FREM1: variants seen among roughly 807,000 people sequenced by gnomAD.
The protein encoded by FREM1 is FRAS1-related extracellular matrix protein 1.
FREM1 carries 220 observed loss-of-function variants against 210.1 expected under a neutral mutation model. That is an observed-to-expected ratio of 1.05 (90% CI 0.94 to 1.17). FREM1 has a LOEUF of 1.17. Ranked by LOEUF, FREM1 falls within the 50% of genes most tolerant of loss-of-function variation. The pLI is 0.00. For synonymous variants in FREM1, 1,189 were observed against 980.2 expected, an observed-to-expected ratio of 1.21 and a Z score of -3.98; for missense variants, 3,454 against 2,675.5, an observed-to-expected ratio of 1.29 and a Z score of -6.42.
At chr9:14,819,159 C>G in intron 14 of FREM1, 75 bp downstream of exon 14, 2 of 1,059,678 alleles carry the variant, frequency 1.9e-6, no homozygotes, top group Non-Finnish European at 2.7e-6. Flanking sequence ...AAACTTCTTT[C>G]TCTTACTCTG....
chr9:14,824,196 A>C (rs982590780), intron 11 of FREM1, 81 bp from the exon 12 acceptor site: 2 of 828,642 alleles, frequency 2.4e-6, no homozygotes, highest in Non-Finnish European at 2.0e-6. Flanking sequence ...TCAAAAACTG[A>C]AAGACTTCAT....
intron 15 of FREM1, among the ~76,000 whole-genome samples, chr9:14,814,703 T>G (rs1467001597): frequency 6.6e-6 from 1 of 152,176 alleles, no homozygotes; most frequent in Non-Finnish European, 1.5e-5. Flanking sequence ...GTGATGACCA[T>G]CTTGCAGCCG....
chr9:14,785,485 A>G (rs1215191101), intron 23 of FREM1, among the ~76,000 whole-genome samples: 2 of 152,224 alleles, frequency 1.3e-5, no homozygotes, highest in Non-Finnish European at 2.9e-5. Flanking sequence ...TATTTATACA[A>G]CCATATTCAT....
intron 4 of FREM1, among the ~76,000 whole-genome samples, chr9:14,858,830 C>T (rs559252394): frequency 1.2e-4 from 19 of 152,264 alleles, no homozygotes; most frequent in African/African-American, 4.3e-4. Flanking sequence ...CTAATAACAG[C>T]TGACAATGAG....
At position 14,869,073 on chromosome 9, in the gene FREM1, A is replaced by G. The variant is rs1832100166; in HGVS notation, c.-96T>C. ...TCCTGGAGGGTCAGCTCATAGTCCA[A>G]GGGGCAGGGTGAGGGGTCCTGACAA... On this transcript the variant is annotated 5_prime_UTR_variant, in exon 2 of 37. Transcript: ENST00000380880. 1 of 790,098 alleles carries G rather than the reference A, an allele frequency of 1.3e-6. No homozygotes were observed. The highest frequency in any genetic ancestry group is 1.9e-5 in the South Asian group (1 of 52,858). The allele number at this position is 790,098 out of a possible 1,614,324, so 48.9% of individuals were successfully genotyped here.
Position 14,836,237 on chromosome 9 carries a change from A to G in FREM1, c.1881+5210T>C, listed in dbSNP as rs1451529502. ...TCACTCTACTATTTGCAATAGGGTTATACACGGTAGCACCTTCAAACTAAA... is the reference window on the plus strand; with the variant it reads ...TCACTCTACTATTTGCAATAGGGTTGTACACGGTAGCACCTTCAAACTAAA... On this transcript the variant is annotated intron_variant, in intron 10 of 36. Coordinates refer to ENST00000380880, the MANE Select transcript of FREM1 (RefSeq NM_001379081.2). This position sits in a 1 kb window ranked among gnomAD's most constrained non-coding sequence, Gnocchi z 4.9. 1.3e-5 allele frequency among the ~76,000 whole-genome samples: 2 copies of G among 152,246 alleles called. No homozygotes were observed. The highest frequency in any genetic ancestry group is 2.9e-5 in the Non-Finnish European group (2 of 68,046).
chr9:14,797,222 T>C (rs1009338401), intron 21 of FREM1, among the ~76,000 whole-genome samples: 1 of 152,258 alleles, frequency 6.6e-6, no homozygotes, highest in Non-Finnish European at 1.5e-5. Flanking sequence ...TAGTAGATTG[T>C]TCATTCCATA....
intron 27 of FREM1, among the ~76,000 whole-genome samples, chr9:14,761,508 C>T (rs1366099832): frequency 1.3e-5 from 2 of 152,138 alleles, no homozygotes; most frequent in Non-Finnish European, 1.5e-5. Flanking sequence ...ATTTAAATCT[C>T]GCATGAAACA....
intron 1 of FREM1, among the ~76,000 whole-genome samples, chr9:14,899,550 G>C (rs922135700): frequency 4.6e-5 from 7 of 152,194 alleles, no homozygotes; most frequent in Admixed American, 6.5e-5. Context: ...ATATGTGCAG[G>C]AGGATACAGC....
At position 14,784,574 on chromosome 9, in the gene FREM1, G is replaced by C. The variant is rs200573582; in HGVS notation, c.4238C>G (p.Thr1413Arg). ...VVSKGDRGFL[T>R]TTTLLAVDGT... ...GTCCACAGCCAGGAGCGTGGTGGTT[G>C]TTAAGAAACCTCTATCACCTTTAGA... The change falls in exon 24 of 37, where the codon ACA becomes AGA. Residue 1413 changes from threonine (T) to arginine (R), a missense_variant. Transcript: ENST00000380880. 1.1e-4 allele frequency: 173 copies of C among 1,611,258 alleles called. No homozygotes were observed. Among genetic ancestry groups the C allele is most frequent in the Non-Finnish European group, 1.4e-4 (165 of 1,178,704 alleles).
At position 14,824,005 on chromosome 9, in the gene FREM1, AT is replaced by A; in HGVS notation, c.2169+19del. On this transcript the variant is annotated intron_variant, in intron 12 of 36. Coordinates refer to ENST00000380880, the MANE Select transcript of FREM1 (RefSeq NM_001379081.2). ...GCACACTTGCATCATGTTTGTCAGC[AT>A]TTTAGCATATCCTCATACCTGAGTG... The A allele has an allele frequency of 6.7e-7, 1 of 1,499,172 alleles. No individual in the cohort carries two copies. The highest frequency in any genetic ancestry group is 9.2e-7 in the Non-Finnish European group (1 of 1,092,592). 92.9% of individuals were successfully genotyped at this position (1,499,172 alleles called of 1,614,324 possible). A position where few individuals can be genotyped will look rare whatever the true frequency, so the allele number is the denominator to read the frequency against.
At chr9:14,900,628 A>C (rs1838620679) in intron 1 of FREM1, among the ~76,000 whole-genome samples, 1 of 152,172 alleles carries the variant, frequency 6.6e-6, no homozygotes, top group South Asian at 2.1e-4. Context: ...CTAGATAGAC[A>C]GAGTCTGACA....
intron 14 of FREM1, 107 bp downstream of exon 14, chr9:14,819,127 G>T (rs1820820307): frequency 4.3e-6 from 3 of 692,028 alleles, no homozygotes; most frequent in Non-Finnish European, 7.0e-6. Flanking sequence ...GTGGCATGTT[G>T]GTATCCTTTA....
chr9:14,747,033 G>A lies in FREM1; in HGVS notation c.6028C>T (p.Pro2010Ser), dbSNP rs934520223. The A allele has an allele frequency of 7.4e-6, 12 of 1,613,220 alleles. No individual in the cohort carries two copies. The highest frequency in any genetic ancestry group is 1.3e-5 in the African/African-American group (1 of 75,054). The change falls in exon 34 of 37, where the codon CCA (proline) becomes TCA (serine). Residue 2010 changes from proline (P) to serine (S), a missense_variant. Pro to Ser is a moderately conservative substitution (Grantham distance 74). Coordinates refer to ENST00000380880, the MANE Select transcript of FREM1 (RefSeq NM_001379081.2). ...TTTAATTCCAGAGTGCAGTTCTTTG[G>A]AAATGAGGGCAACTGGTCCTTTGGG... ...FPRQDQLPSF[P>S]KNCTLELKGL... is the part of the protein sequence containing the mutation.
At chr9:14,784,076 C>G (rs1245581144) in intron 24 of FREM1, among the ~76,000 whole-genome samples, 2 of 152,114 alleles carry the variant, frequency 1.3e-5, no homozygotes, top group Non-Finnish European at 2.9e-5. Flanking sequence ...ATAACAGGCC[C>G]TAATTTCTTG....
chr9:14,737,551 C>T lies in FREM1; in HGVS notation c.6385G>A (p.Gly2129Ser). The part of the protein sequence containing the change: ...VHAGHWEWIG[G>S]EPVAFTNGRR... Reference sequence around the variant, plus strand: ...CCATTGGTGAAGGCAACAGGTTCACCACCGATCCACTCCCAGTGGCCAGCA... The same window carrying T: ...CCATTGGTGAAGGCAACAGGTTCACTACCGATCCACTCCCAGTGGCCAGCA... Residue 2129 changes from glycine to serine, a missense_variant, in exon 37 of 37, where the codon GGT becomes AGT. Physicochemically the swap from Gly to Ser is moderately conservative, Grantham distance 56. Coordinates refer to ENST00000380880, the MANE Select transcript of FREM1 (RefSeq NM_001379081.2). The T allele has an allele frequency of 6.2e-7, 1 of 1,604,532 alleles. No homozygotes were observed. The highest frequency in any genetic ancestry group is 8.5e-7 in the Non-Finnish European group (1 of 1,175,194).
At chr9:14,819,902 G>T (rs529018502) in intron 13 of FREM1, among the ~76,000 whole-genome samples, 19 of 152,276 alleles carry the variant, frequency 1.2e-4, no homozygotes, top group African/African-American at 4.1e-4. Context: ...TAAAGGCTTG[G>T]GAAATGGATT....
chr9:14,896,544 C>CAAAA (rs59464900), intron 1 of FREM1, among the ~76,000 whole-genome samples: 2 of 82,598 alleles, frequency 2.4e-5, no homozygotes, highest in Non-Finnish European at 2.5e-5. Context: ...GACTCCATCT[C>CAAAA]AAAAAAAAAA....
chr9:14,867,681 G>A (rs926366794), intron 2 of FREM1, among the ~76,000 whole-genome samples: 9 of 152,066 alleles, frequency 5.9e-5, no homozygotes, highest in South Asian at 2.1e-4. Context: ...CAATAACCTC[G>A]TGGATTAGTT....
Sources: gnomAD v4.1 joint callset for allele counts (sites outside exome capture counted in the v4.1 genomes callset) on GRCh38, gnomAD v4.1.1 for gene constraint, Gnocchi (gnomAD v3.1) non-coding constraint, MANE v1.5 for transcripts, NCBI Gene and HGNC (gene_info 2026-07-23, HGNC 2026-07-21) for gene names.